PPP1R1B: variants seen among roughly 807,000 people sequenced by gnomAD.
The protein encoded by PPP1R1B is protein phosphatase 1 regulatory inhibitor subunit 1B.
Under a neutral mutation model 28.2 loss-of-function variants are expected in PPP1R1B, and 13 were observed. The observed-to-expected ratio is 0.46, with a 90% CI of 0.30 to 0.73. The LOEUF is 0.73. Ranked by LOEUF, PPP1R1B falls within the 30% of genes least tolerant of loss-of-function variation. The pLI is 0.07. For missense variants in PPP1R1B, 236 were observed against 256.7 expected (o/e 0.92, Z 0.55); for synonymous variants, 102 against 97.5 (o/e 1.05, Z -0.27).
Position 39,627,373 on chromosome 17 carries a change from C to G in PPP1R1B, c.-20C>G. 6.3e-7 allele frequency: 1 copy of G among 1,576,946 alleles called. No individual in the cohort carries two copies. Among genetic ancestry groups the G allele is most frequent in the South Asian group, 1.1e-5 (1 of 89,064 alleles). Reference sequence around the variant, plus strand: ...GACCCCGAGTCGCGCACCCCAGCCCCACCGCCCACCCCGCGCGCCATGGAC... The same window carrying G: ...GACCCCGAGTCGCGCACCCCAGCCCGACCGCCCACCCCGCGCGCCATGGAC... On this transcript the variant is annotated 5_prime_UTR_variant, in exon 1 of 7. Coordinates refer to ENST00000254079, the MANE Select transcript of PPP1R1B (RefSeq NM_032192.4).
At chr17:39,628,146 G>C (rs765847602) in intron 1 of PPP1R1B, among the ~76,000 whole-genome samples, 1 of 152,092 alleles carries the variant, frequency 6.6e-6, no homozygotes, top group Non-Finnish European at 1.5e-5. Flanking sequence ...CGGGTGCTGT[G>C]ACAGAGAGCT....
chr17:39,627,317 C>A lies in PPP1R1B; in HGVS notation c.-76C>A. On this transcript the variant is annotated 5_prime_UTR_variant, in exon 1 of 7. Transcript: ENST00000254079. Reference sequence around the variant, plus strand: ...CTCTCGCCGCACAGCCCGCCGCCTGCGCGGGGGAGCCCAGCACAGACCGCC... The same window carrying A: ...CTCTCGCCGCACAGCCCGCCGCCTGAGCGGGGGAGCCCAGCACAGACCGCC... 1 of 997,064 alleles carries A rather than the reference C, an allele frequency of 1.0e-6. No individual in the cohort carries two copies. Among genetic ancestry groups the A allele is most frequent in the Non-Finnish European group, 1.4e-6 (1 of 694,432 alleles). 61.8% of individuals were successfully genotyped at this position (997,064 alleles called of 1,614,324 possible).
chr17:39,630,231 C>A, intron 4 of PPP1R1B, 184 bp downstream of exon 4: 2 of 600,710 alleles, frequency 3.3e-6, no homozygotes. Context: ...CACAGGAGTC[C>A]CGAGGCTGCA....
At chr17:39,629,714 C>G in intron 3 of PPP1R1B, 152 bp downstream of exon 3, 1 of 817,478 alleles carries the variant, frequency 1.2e-6, no homozygotes. Flanking sequence ...TGCCTCATGC[C>G]AGGGTGCCAC....
At chr17:39,633,858 C>T in intron 4 of PPP1R1B, 25 bp from the exon 5 acceptor site, 1 of 1,612,296 alleles carries the variant, frequency 6.2e-7, no homozygotes, top group Non-Finnish European at 8.5e-7. Context: ...CTGACCCTTG[C>T]TTTCCTCGGT....
chr17:39,631,475 T>A (rs965226611), intron 4 of PPP1R1B, among the ~76,000 whole-genome samples: 5 of 152,174 alleles, frequency 3.3e-5, no homozygotes, highest in Non-Finnish European at 7.4e-5. Context: ...GAGGGCCTCT[T>A]CCTGACTAAG....
In PPP1R1B at chr17:39,636,135, T is replaced by C. The variant is rs1378296253; in HGVS notation, c.*270T>C. The C allele has an allele frequency of 7.8e-6, 4 of 513,734 alleles. No homozygotes were observed. The highest frequency in any genetic ancestry group is 1.4e-5 in the Non-Finnish European group (4 of 284,522). 31.8% of individuals were successfully genotyped at this position (513,734 alleles called of 1,614,324 possible). A position where few individuals can be genotyped will look rare whatever the true frequency, so the allele number is the denominator to read the frequency against. ...AGGTGGGATGTGAGACAGCCCACAT[T>C]GGAAAATCCAGAAAACCGGGAACAG... is the stretch of plus-strand genomic sequence containing the variant. On this transcript the variant is annotated 3_prime_UTR_variant, in exon 7 of 7. Coordinates refer to ENST00000254079, the MANE Select transcript of PPP1R1B (RefSeq NM_032192.4).
At chr17:39,627,520 C>A (rs918170125) in intron 1 of PPP1R1B, 47 bp downstream of exon 1, 10 of 1,260,650 alleles carry the variant, frequency 7.9e-6, no homozygotes, top group Non-Finnish European at 1.1e-5. Flanking sequence ...ACACACCCCG[C>A]GGGGCTTCTT....
intron 1 of PPP1R1B, among the ~76,000 whole-genome samples, chr17:39,627,757 G>C (rs1404971305): frequency 6.6e-6 from 1 of 151,726 alleles, no homozygotes; most frequent in African/African-American, 2.4e-5. Flanking sequence ...GACCGCCCAG[G>C]AGTGGGGTGG....
chr17:39,635,464 C>A, intron 5 of PPP1R1B, 143 bp from the exon 6 acceptor site: 2 of 1,086,216 alleles, frequency 1.8e-6, no homozygotes, highest in Non-Finnish European at 2.7e-6. Flanking sequence ...GCTGGGAGAG[C>A]TGTTCTAGCC....
chr17:39,630,130 G>A (rs1285152522), intron 4 of PPP1R1B, 83 bp downstream of exon 4: 2 of 1,339,070 alleles, frequency 1.5e-6, no homozygotes, highest in Non-Finnish European at 2.1e-6. Flanking sequence ...TGTCAGTGGG[G>A]AGGGATTGTT....
At chr17:39,630,792 G>A (rs879423820) in intron 4 of PPP1R1B, among the ~76,000 whole-genome samples, 5 of 152,124 alleles carry the variant, frequency 3.3e-5, no homozygotes, top group Admixed American at 6.5e-5. Flanking sequence ...TAAGCGGGCC[G>A]GGCGCAGTGA....
intron 5 of PPP1R1B, among the ~76,000 whole-genome samples, chr17:39,634,848 T>C (rs1461429912): frequency 6.6e-6 from 1 of 152,188 alleles, no homozygotes; most frequent in Non-Finnish European, 1.5e-5. Context: ...CAGTCCTCAC[T>C]GAGACCCCTC....
intron 4 of PPP1R1B, 179 bp downstream of exon 4, chr17:39,630,226 G>T: frequency 1.6e-6 from 1 of 607,076 alleles, no homozygotes; most frequent in Non-Finnish European, 2.9e-6. Flanking sequence ...CAAAACACAG[G>T]AGTCCCGAGG....
chr17:39,627,373 C>T lies in PPP1R1B; in HGVS notation c.-20C>T, dbSNP rs762522989. Reference sequence around the variant, plus strand: ...GACCCCGAGTCGCGCACCCCAGCCCCACCGCCCACCCCGCGCGCCATGGAC... The same window carrying T: ...GACCCCGAGTCGCGCACCCCAGCCCTACCGCCCACCCCGCGCGCCATGGAC... On this transcript the variant is annotated 5_prime_UTR_variant, in exon 1 of 7. Coordinates refer to ENST00000254079, the MANE Select transcript of PPP1R1B (RefSeq NM_032192.4). The T allele has an allele frequency of 6.3e-7, 1 of 1,576,946 alleles. No individual in the cohort carries two copies. Among genetic ancestry groups the T allele is most frequent in the Non-Finnish European group, 8.6e-7 (1 of 1,156,832 alleles).
intron 1 of PPP1R1B, among the ~76,000 whole-genome samples, 176 bp from the exon 2 acceptor site, chr17:39,628,994 C>T (rs1375017109): frequency 6.6e-6 from 1 of 152,152 alleles, no homozygotes; most frequent in African/African-American, 2.4e-5. Flanking sequence ...CTGAGCCCTG[C>T]TTTTTCACCT....
chr17:39,636,208 C>T lies in PPP1R1B; in HGVS notation c.*343C>T. On this transcript the variant is annotated 3_prime_UTR_variant, in exon 7 of 7. Transcript: ENST00000254079. ...CTCCCCAGATCCTCTCCCCTGGACA[C>T]AGGAGACCCACAGGGCAGGACCCTA... The T allele has an allele frequency of 3.4e-6, 1 of 296,596 alleles. No individual in the cohort carries two copies. Among genetic ancestry groups the T allele is most frequent in the South Asian group, 4.1e-5 (1 of 24,526 alleles). The allele number at this position is 296,596 out of a possible 1,614,324, so 18.4% of individuals were successfully genotyped here.
At chr17:39,628,694 G>GAGCT in intron 1 of PPP1R1B, 2 of 989,620 alleles carry the variant, frequency 2.0e-6, no homozygotes, top group Non-Finnish European at 2.4e-6. Context: ...TGAAGCCCTT[G>GAGCT]AGCTGATCTT....
chr17:39,633,642 G>C (rs964217696), intron 4 of PPP1R1B: 4 of 502,176 alleles, frequency 8.0e-6, no homozygotes, highest in Non-Finnish European at 1.4e-5. Flanking sequence ...CTGCCTGGGG[G>C]CTAGCATCTT....
Sources: gnomAD v4.1 joint callset for allele counts (sites outside exome capture counted in the v4.1 genomes callset) on GRCh38, gnomAD v4.1.1 for gene constraint, MANE v1.5 for transcripts, NCBI Gene and HGNC (gene_info 2026-07-23, HGNC 2026-07-21) for gene names.